Variants in DLG1 observed in about 807,000 individuals in gnomAD.
The protein encoded by DLG1 is disks large homolog 1.
DLG1 carries 42 observed loss-of-function variants against 123.4 expected under a neutral mutation model. That is an observed-to-expected ratio of 0.34 (90% confidence interval 0.27 to 0.44). The LOEUF (loss-of-function observed/expected upper bound fraction) is 0.44, where lower values mean the gene tolerates loss of function less well. Ranked by LOEUF, DLG1 falls within the 20% of genes least tolerant of loss-of-function variation. The pLI is 1.00. For synonymous variants in DLG1, 317 were observed against 356.2 expected, an observed-to-expected ratio of 0.89 and a Z score of 1.24; for missense variants, 942 against 1,082.6, an observed-to-expected ratio of 0.87 and a Z score of 1.82.
chr3:197,265,707 G>C (rs1254634263), intron 4 of DLG1, among the ~76,000 whole-genome samples: 2 of 152,138 alleles, frequency 1.3e-5, no homozygotes, highest in East Asian at 1.9e-4. Context: ...ATAATATACT[G>C]GGCAGTGGGG....
At chr3:197,055,035 G>C (rs552822231) in intron 23 of DLG1, among the ~76,000 whole-genome samples, 1 of 152,214 alleles carries the variant, frequency 6.6e-6, no homozygotes, top group African/African-American at 2.4e-5. Context: ...GGCTGGTCTC[G>C]AACTACCGAA....
chr3:197,232,629 T>C (rs559186946), intron 4 of DLG1, among the ~76,000 whole-genome samples: 7 of 152,152 alleles, frequency 4.6e-5, no homozygotes, highest in African/African-American at 1.7e-4. Context: ...TAGAAATGCA[T>C]CCTGCAGGCA....
intron 4 of DLG1, among the ~76,000 whole-genome samples, chr3:197,210,006 G>C (rs1730495229): frequency 6.8e-6 from 1 of 146,040 alleles, no homozygotes; most frequent in African/African-American, 2.4e-5. Flanking sequence ...GAAATTTTCT[G>C]GACTTTTATC....
intron 3 of DLG1, among the ~76,000 whole-genome samples, chr3:197,286,252 A>C (rs1490175507): frequency 6.6e-6 from 1 of 152,206 alleles, no homozygotes; most frequent in African/African-American, 2.4e-5. Context: ...GAAGAAGAGC[A>C]CACAGGATTT....
chr3:197,176,942 C>T (rs1489849722), intron 5 of DLG1, among the ~76,000 whole-genome samples: 1 of 151,692 alleles, frequency 6.6e-6, no homozygotes, highest in African/African-American at 2.4e-5. Flanking sequence ...TCCTATTGAA[C>T]AAATGATATA....
At chr3:197,155,715 G>A (rs967433932) in intron 5 of DLG1, among the ~76,000 whole-genome samples, 13 of 152,012 alleles carry the variant, frequency 8.6e-5, no homozygotes, top group African/African-American at 2.9e-4. Flanking sequence ...GAGATGGCTT[G>A]AGCCCAGGAG....
At chr3:197,100,238 T>C (rs1048189587) in intron 14 of DLG1, among the ~76,000 whole-genome samples, 6 of 152,206 alleles carry the variant, frequency 3.9e-5, no homozygotes, top group African/African-American at 1.4e-4. Context: ...CTCTTCTCCC[T>C]TTGGTTGGTA....
intron 13 of DLG1, among the ~76,000 whole-genome samples, chr3:197,112,847 C>G (rs1579456655): frequency 6.6e-6 from 1 of 152,180 alleles, no homozygotes; most frequent in East Asian, 1.9e-4. Flanking sequence ...CCACCTGCCT[C>G]AGCCTCCTGA....
intron 3 of DLG1, among the ~76,000 whole-genome samples, chr3:197,288,362 C>CAAAAAAAAAAAAA (rs1290725400): frequency 8.8e-5 from 4 of 45,538 alleles, no homozygotes; most frequent in Non-Finnish European, 1.2e-4. Flanking sequence ...GACTCCGTCT[C>CAAAAAAAAAAAAA]AAAAAAAAAA....
At chr3:197,162,745 T>C (rs2149908385) in intron 5 of DLG1, among the ~76,000 whole-genome samples, 1 of 152,270 alleles carries the variant, frequency 6.6e-6, no homozygotes, top group Admixed American at 6.5e-5. Flanking sequence ...AAATATGAGA[T>C]TTGAAAACAT....
chr3:197,222,174 T>C (rs1004551936), intron 4 of DLG1, among the ~76,000 whole-genome samples: 11 of 152,168 alleles, frequency 7.2e-5, no homozygotes, highest in African/African-American at 2.4e-4. Context: ...GCAGTTAGGT[T>C]TCCAACTCTC....
Position 197,146,452 on chromosome 3 carries a change from GAC to G in DLG1, c.537+3289_537+3290del, listed in dbSNP as rs772085400. Among the ~76,000 whole-genome samples, 35 of 152,076 alleles carry G rather than the reference GAC, an allele frequency of 2.3e-4. 1 individual carries two copies. Among genetic ancestry groups the G allele is most frequent in the Non-Finnish European group, 4.6e-4 (31 of 68,008 alleles). ...ACAGCATGGTACTGGTATAAAAATG[GAC>G]ACACAGAATGAAGCAGAATAGAAAA... On this transcript the variant is annotated intron_variant, in intron 6 of 24. Transcript: ENST00000667157.
At chr3:197,168,656 T>G (rs1802562406) in intron 5 of DLG1, among the ~76,000 whole-genome samples, 1 of 152,248 alleles carries the variant, frequency 6.6e-6, no homozygotes, top group Non-Finnish European at 1.5e-5. Context: ...CATTTTAAAC[T>G]TGAAAAATCT....
intron 14 of DLG1, among the ~76,000 whole-genome samples, chr3:197,100,825 T>C (rs927801592): frequency 1.3e-5 from 2 of 152,172 alleles, no homozygotes; most frequent in African/African-American, 4.8e-5. Context: ...TTACCATAAA[T>C]ACCCTCTGAG....
chr3:197,160,678 G>A (rs1422288814), intron 5 of DLG1, among the ~76,000 whole-genome samples: 1 of 152,084 alleles, frequency 6.6e-6, no homozygotes, highest in African/African-American at 2.4e-5. Context: ...AGAATCCTTG[G>A]TTGTATGGAT....
intron 6 of DLG1, among the ~76,000 whole-genome samples, chr3:197,146,187 T>C (rs1005982307): frequency 2.0e-5 from 3 of 152,074 alleles, no homozygotes; most frequent in Non-Finnish European, 4.4e-5. Flanking sequence ...CCCAAGCTCA[T>C]GGACAGGTAG....
At chr3:197,069,616 T>A (rs948498113) in intron 18 of DLG1, 7 of 163,080 alleles carry the variant, frequency 4.3e-5, no homozygotes, top group Middle Eastern at 2.8e-3. Flanking sequence ...TGAAACAGCG[T>A]TAACTGGCAA....
intron 5 of DLG1, among the ~76,000 whole-genome samples, chr3:197,188,216 T>G (rs1717234027): frequency 6.6e-6 from 1 of 152,224 alleles, no homozygotes; most frequent in Non-Finnish European, 1.5e-5. Flanking sequence ...CAGTTTCTTG[T>G]GATTGTCACC....
intron 14 of DLG1, among the ~76,000 whole-genome samples, chr3:197,092,385 A>C (rs181542574): frequency 3.5e-4 from 54 of 152,348 alleles, no homozygotes; most frequent in Middle Eastern, 3.4e-3. Flanking sequence ...CAATATTACA[A>C]CAGTGAATTA....
Sources: gnomAD v4.1 joint callset for allele counts (sites outside exome capture counted in the v4.1 genomes callset) on GRCh38, gnomAD v4.1.1 for gene constraint, MANE v1.5 for transcripts, NCBI Gene and HGNC (gene_info 2026-07-23, HGNC 2026-07-21) for gene names.